MVB12B: variants seen among roughly 807,000 people sequenced by gnomAD.
The protein encoded by MVB12B is ESCRT-I complex subunit MVB12B.
Under a neutral mutation model 41.6 loss-of-function variants are expected in MVB12B, and 16 were observed. The observed-to-expected ratio is 0.38, with a 90% confidence interval of 0.26 to 0.58. The LOEUF (loss-of-function observed/expected upper bound fraction) is 0.58. Among genes scored for constraint, MVB12B ranks in the 20% least tolerant of loss-of-function variants. The pLI is 0.62. For missense variants in MVB12B, 274 were observed against 380.2 expected, an observed-to-expected ratio of 0.72 and a Z score of 2.32; for synonymous variants, 133 against 139.7, an observed-to-expected ratio of 0.95 and a Z score of 0.34.
At chr9:126,398,864 G>C (rs147809105) in intron 6 of MVB12B, among the ~76,000 whole-genome samples, 424 of 152,124 alleles carry the variant, frequency 2.8e-3, no homozygotes, top group Non-Finnish European at 4.6e-3. Context: ...TTGTGTCATC[G>C]CTCAGATTTC....
At chr9:126,397,784 A>C (rs1055925928) in intron 6 of MVB12B, among the ~76,000 whole-genome samples, 42 of 152,240 alleles carry the variant, frequency 2.8e-4, no homozygotes. Context: ...TTGATTATTC[A>C]TTCAAATTTT....
intron 9 of MVB12B, among the ~76,000 whole-genome samples, chr9:126,502,877 T>G (rs76069036): frequency 1.2e-3 from 188 of 152,296 alleles, no homozygotes; most frequent in African/African-American, 3.9e-3. Flanking sequence ...ACCGTGGTTT[T>G]ACACACTGCT....
chr9:126,388,278 G>T (rs1165152401), intron 4 of MVB12B, among the ~76,000 whole-genome samples: 1 of 152,118 alleles, frequency 6.6e-6, no homozygotes, highest in East Asian at 1.9e-4. Flanking sequence ...TCATATAAAT[G>T]GAATCATACA....
intron 6 of MVB12B, among the ~76,000 whole-genome samples, chr9:126,402,260 T>C (rs1317215894): frequency 6.6e-6 from 1 of 152,188 alleles, no homozygotes; most frequent in Admixed American, 6.5e-5. Flanking sequence ...ACATGGATTT[T>C]GAGCTCCACT....
chr9:126,477,844 A>G (rs1833450342), intron 7 of MVB12B, among the ~76,000 whole-genome samples: 1 of 152,202 alleles, frequency 6.6e-6, no homozygotes, highest in Non-Finnish European at 1.5e-5. Context: ...TGGGCAACCC[A>G]TTCTTCCTCA....
chr9:126,453,925 A>G (rs1421091085), intron 7 of MVB12B, among the ~76,000 whole-genome samples: 1 of 152,208 alleles, frequency 6.6e-6, no homozygotes, highest in Admixed American at 6.5e-5. Context: ...AGGCCCCAAC[A>G]GGGCAAAAGA....
chr9:126,496,201 C>CCA (rs1833827771), intron 9 of MVB12B, among the ~76,000 whole-genome samples: 2 of 135,486 alleles, frequency 1.5e-5, no homozygotes, highest in Non-Finnish European at 3.2e-5. Context: ...ACCCACCCAC[C>CCA]TACCCACCCG....
At chr9:126,369,714 C>T (rs759107347) in intron 2 of MVB12B, among the ~76,000 whole-genome samples, 7 of 152,086 alleles carry the variant, frequency 4.6e-5, no homozygotes, top group Non-Finnish European at 7.4e-5. Flanking sequence ...AGTGCAATAG[C>T]GCAATCTCAG....
chr9:126,340,780 G>C lies in MVB12B; in HGVS notation c.204+150G>C, dbSNP rs974538566. 3.8e-5 allele frequency: 36 copies of C among 950,018 alleles called. No homozygotes were observed. The highest frequency in any genetic ancestry group is 8.1e-5 in the Admixed American group (3 of 36,934). 58.8% of individuals were successfully genotyped at this position (950,018 alleles called of 1,614,324 possible). A position where few individuals can be genotyped will look rare whatever the true frequency, so the allele number is the denominator to read the frequency against. On this transcript the variant is annotated intron_variant, in intron 2 of 9. Transcript: ENST00000361171. This position sits in a 1 kb window ranked among gnomAD's most constrained non-coding sequence, Gnocchi z 4.0. ...GAGGGCGTGGAGAGCATCCTGGTTT[G>C]GGAGTCAGAAGACCTGAGCCCATCT...
intron 3 of MVB12B, among the ~76,000 whole-genome samples, chr9:126,385,167 G>A (rs531468393): frequency 9.2e-5 from 14 of 152,228 alleles, no homozygotes; most frequent in East Asian, 5.8e-4. Flanking sequence ...TGAGTGGCCC[G>A]GTTGAAAAAT....
chr9:126,396,956 G>A lies in MVB12B; in HGVS notation c.662+1259G>A, dbSNP rs1369334521. On this transcript the variant is annotated intron_variant, in intron 6 of 9. Transcript: ENST00000361171. ...TCTGAGCCAGAGCGCTGTCAGCTCCGCCCTGGAGGGCACTGCTGAGGGTCA... is the reference window on the plus strand; with the variant it reads ...TCTGAGCCAGAGCGCTGTCAGCTCCACCCTGGAGGGCACTGCTGAGGGTCA... 24 of 985,456 alleles carry A rather than the reference G, an allele frequency of 2.4e-5. No homozygotes were observed. In the East Asian group the frequency reaches 1.2e-3, roughly 51 times the overall value. The allele number at this position is 985,456 out of a possible 1,614,324, so 61.0% of individuals were successfully genotyped here.
At chr9:126,501,073 G>A (rs1264329038) in intron 9 of MVB12B, among the ~76,000 whole-genome samples, 1 of 152,220 alleles carries the variant, frequency 6.6e-6, no homozygotes. Context: ...AGGTGGCAGT[G>A]TCCTCCCAGA....
intron 5 of MVB12B, among the ~76,000 whole-genome samples, chr9:126,394,173 G>A (rs1831039831): frequency 6.6e-6 from 1 of 152,200 alleles, no homozygotes; most frequent in African/African-American, 2.4e-5. Context: ...CAGGACTACA[G>A]GAGTAGGAAA....
At chr9:126,356,969 A>T (rs1317083499) in intron 2 of MVB12B, among the ~76,000 whole-genome samples, 1 of 152,004 alleles carries the variant, frequency 6.6e-6, no homozygotes, top group Non-Finnish European at 1.5e-5. Context: ...CCTTGTCTTT[A>T]TAAATTACCT....
chr9:126,357,605 C>CTT (rs59206270), intron 2 of MVB12B, among the ~76,000 whole-genome samples: 5 of 142,974 alleles, frequency 3.5e-5, no homozygotes, highest in Non-Finnish European at 4.6e-5. Flanking sequence ...TGATTTTGAG[C>CTT]TTTTTTTTTT....
chr9:126,361,931 A>AG (rs1830041720), intron 2 of MVB12B, among the ~76,000 whole-genome samples: 2 of 151,118 alleles, frequency 1.3e-5, no homozygotes, highest in African/African-American at 4.8e-5. Flanking sequence ...AAAAAAAAAA[A>AG]GATGTTGCTC....
intron 7 of MVB12B, among the ~76,000 whole-genome samples, chr9:126,453,721 T>A (rs534454589): frequency 4.0e-5 from 6 of 151,150 alleles, no homozygotes; most frequent in Admixed American, 2.6e-4. Flanking sequence ...TGTGGCACAC[T>A]CTCACGTGTA....
chr9:126,498,301 T>G (rs1833880283), intron 9 of MVB12B, among the ~76,000 whole-genome samples: 1 of 152,162 alleles, frequency 6.6e-6, no homozygotes, highest in Admixed American at 6.5e-5. Context: ...GTGGGGCTGC[T>G]GTACAGAATC....
chr9:126,459,582 A>G lies in MVB12B; in HGVS notation c.758-21787A>G, dbSNP rs1833048493. On this transcript the variant is annotated intron_variant, in intron 7 of 9. Coordinates refer to ENST00000361171, the MANE Select transcript of MVB12B (RefSeq NM_033446.3). This position sits in a 1 kb window ranked among gnomAD's most constrained non-coding sequence, Gnocchi z 4.3. ...GGTGCCATTGTGTCTGAGGTCCCAGAGCCAAAGCCTCGGGAGGCTTGGGGC... is the reference window on the plus strand; with the variant it reads ...GGTGCCATTGTGTCTGAGGTCCCAGGGCCAAAGCCTCGGGAGGCTTGGGGC... 6.6e-6 allele frequency among the ~76,000 whole-genome samples: 1 copy of G among 152,092 alleles called. No homozygotes were observed. Among genetic ancestry groups the G allele is most frequent in the African/African-American group, 2.4e-5 (1 of 41,414 alleles).
Sources: allele counts gnomAD v4.1 joint callset (sites outside exome capture counted in the v4.1 genomes callset), GRCh38; gene constraint gnomAD v4.1.1; non-coding constraint Gnocchi (gnomAD v3.1); transcripts MANE v1.5; gene names NCBI Gene and HGNC (gene_info 2026-07-23, HGNC 2026-07-21).